Variants in VAPB observed in about 807,000 individuals in gnomAD.
VAPB encodes the protein VAMP associated protein B and C.
A neutral mutation model predicts 25.6 loss-of-function variants in VAPB; 7 were observed. That is an observed-to-expected ratio of 0.27 (90% CI 0.16 to 0.51). The LOEUF is 0.51. Ranked by LOEUF, VAPB falls within the 20% of genes least tolerant of loss-of-function variation. The pLI is 0.97. For synonymous variants in VAPB, 112 were observed against 109.2 expected (o/e 1.03, Z -0.16); for missense variants, 266 against 301.3 (o/e 0.88, Z 0.87).
At position 58,445,174 on chromosome 20, in the gene VAPB, G is replaced by A. The variant is rs1989255520; in HGVS notation, c.*939G>A. On this transcript the variant is annotated 3_prime_UTR_variant, in exon 6 of 6. Transcript: ENST00000475243. Reference sequence around the variant, plus strand: ...CAGTAAATAACAACTGTCATAGGGAGGGAAATTCTCAGTAGTGACAGTCAA... The same window carrying A: ...CAGTAAATAACAACTGTCATAGGGAAGGAAATTCTCAGTAGTGACAGTCAA... The A allele has an allele frequency of 2.2e-6, 1 of 454,024 alleles. No homozygotes were observed. The highest frequency in any genetic ancestry group is 2.0e-5 in the African/African-American group (1 of 49,976). The allele number at this position is 454,024 out of a possible 1,614,324, so 28.1% of individuals were successfully genotyped here.
intron 2 of VAPB, among the ~76,000 whole-genome samples, chr20:58,428,136 C>T (rs112322945): frequency 1.1e-4 from 17 of 152,326 alleles, no homozygotes; most frequent in Non-Finnish European, 1.5e-4. Context: ...TTTTAAGTAG[C>T]GTATCTTCTG....
Position 58,445,056 on chromosome 20 carries a change from GTGGGCTCCTC to G in VAPB, c.*824_*833del. The G allele has an allele frequency of 2.2e-6, 1 of 454,816 alleles. No homozygotes were observed. The highest frequency in any genetic ancestry group is 4.4e-6 in the Non-Finnish European group (1 of 226,792). The allele number at this position is 454,816 out of a possible 1,614,324, so 28.2% of individuals were successfully genotyped here. A position where few individuals can be genotyped will look rare whatever the true frequency, so the allele number is the denominator to read the frequency against. Reference sequence around the variant, plus strand: ...GAACTGGTATTGCTGCTGGAGGGCTGTGGGCTCCTCTGTCTCTGGAGAGTCTGGTCATGTG... The same window carrying G: ...GAACTGGTATTGCTGCTGGAGGGCTGTGTCTCTGGAGAGTCTGGTCATGTG... On this transcript the variant is annotated 3_prime_UTR_variant, in exon 6 of 6. Coordinates refer to ENST00000475243, the MANE Select transcript of VAPB (RefSeq NM_004738.5).
intron 5 of VAPB, among the ~76,000 whole-genome samples, chr20:58,442,874 C>G (rs1243711682): frequency 6.6e-6 from 1 of 151,838 alleles, no homozygotes; most frequent in Admixed American, 6.6e-5. Flanking sequence ...CGGATGGGAG[C>G]GAATGGAAGG....
chr20:58,404,784 T>C (rs779365455), intron 1 of VAPB, among the ~76,000 whole-genome samples: 2 of 152,166 alleles, frequency 1.3e-5, no homozygotes, highest in African/African-American at 2.4e-5. Context: ...AGATTCTGAT[T>C]CATTAATTCT....
intron 1 of VAPB, 136 bp from the exon 2 acceptor site, chr20:58,418,075 C>G (rs980827696): frequency 4.1e-6 from 5 of 1,222,704 alleles, no homozygotes; most frequent in African/African-American, 3.0e-5. Context: ...CAGCTCATCT[C>G]TTTCATCCAT....
intron 1 of VAPB, among the ~76,000 whole-genome samples, chr20:58,411,956 G>A (rs1988391495): frequency 6.6e-6 from 1 of 152,254 alleles, no homozygotes; most frequent in African/African-American, 2.4e-5. Context: ...TGGGATTACA[G>A]GCATGAGCCA....
chr20:58,435,932 G>T (rs1370612731), intron 3 of VAPB, among the ~76,000 whole-genome samples: 2 of 152,158 alleles, frequency 1.3e-5, no homozygotes, highest in Non-Finnish European at 2.9e-5. Flanking sequence ...AAGAGCATGG[G>T]CTTGGGTGTT....
At chr20:58,393,485 T>C (rs1987862204) in intron 1 of VAPB, among the ~76,000 whole-genome samples, 1 of 152,212 alleles carries the variant, frequency 6.6e-6, no homozygotes, top group Non-Finnish European at 1.5e-5. Flanking sequence ...GTTGTCCAGC[T>C]CAAAGAGAGC....
chr20:58,431,046 A>T (rs1400984984), intron 2 of VAPB: 1 of 152,254 alleles, frequency 6.6e-6, no homozygotes, highest in Non-Finnish European at 1.5e-5. Context: ...GCTTTTTCAG[A>T]TAAATCTGAA....
intron 1 of VAPB, among the ~76,000 whole-genome samples, chr20:58,403,472 C>G (rs1600778249): frequency 2.6e-5 from 4 of 152,336 alleles, no homozygotes; most frequent in South Asian, 2.1e-4. Context: ...CGGTGAATCT[C>G]AGTTTCTGGT....
At chr20:58,404,718 C>T (rs551876572) in intron 1 of VAPB, among the ~76,000 whole-genome samples, 4 of 152,172 alleles carry the variant, frequency 2.6e-5, no homozygotes, top group South Asian at 2.1e-4. Context: ...TATGAGCTAA[C>T]GTCACATTTG....
intron 1 of VAPB, among the ~76,000 whole-genome samples, chr20:58,412,344 C>T (rs1293476830): frequency 6.6e-6 from 1 of 152,066 alleles, no homozygotes; most frequent in African/African-American, 2.4e-5. Context: ...CTTTGGGATG[C>T]CAAGGTGGGT....
intron 2 of VAPB, among the ~76,000 whole-genome samples, chr20:58,429,748 T>A (rs1988885763): frequency 6.6e-6 from 1 of 152,234 alleles, no homozygotes; most frequent in African/African-American, 2.4e-5. Context: ...CTTTTTAAAC[T>A]GCAGATTCTC....
rs1421019227 is a variant in VAPB, at chr20:58,450,180, A to G, written c.*5945A>G. On this transcript the variant is annotated 3_prime_UTR_variant, in exon 6 of 6. Transcript: ENST00000475243. ...CTTTTGTTTTTAAGAAATAGACTGA[A>G]TTCAGCTGTTAATCCTCTAGTACAG... is the stretch of plus-strand genomic sequence containing the variant. 4.4e-6 allele frequency: 2 copies of G among 453,964 alleles called. No homozygotes were observed. Among genetic ancestry groups the G allele is most frequent in the Non-Finnish European group, 4.4e-6 (1 of 226,792 alleles). The allele number at this position is 453,964 out of a possible 1,614,324, so 28.1% of individuals were successfully genotyped here.
At chr20:58,404,937 G>C (rs1455909844) in intron 1 of VAPB, among the ~76,000 whole-genome samples, 2 of 152,000 alleles carry the variant, frequency 1.3e-5, no homozygotes. Context: ...GCCAAGCATT[G>C]CTGAGAGGCC....
intron 2 of VAPB, chr20:58,432,404 C>G (rs1225923464): frequency 6.6e-6 from 1 of 152,096 alleles, no homozygotes. Context: ...GCTGGGAGAA[C>G]AGAGTCTCAA....
At chr20:58,426,164 G>A (rs1280250250) in intron 2 of VAPB, among the ~76,000 whole-genome samples, 1 of 152,180 alleles carries the variant, frequency 6.6e-6, no homozygotes, top group African/African-American at 2.4e-5. Flanking sequence ...CCAAAGTGCT[G>A]GGATTACAGG....
intron 5 of VAPB, among the ~76,000 whole-genome samples, chr20:58,442,259 G>C (rs1989178679): frequency 1.3e-5 from 2 of 152,196 alleles, no homozygotes; most frequent in African/African-American, 4.8e-5. Context: ...CAGTGATTTT[G>C]ATTTGCCTCA....
chr20:58,389,556 C>T (rs1987733032), intron 1 of VAPB, 39 bp downstream of exon 1: 1 of 1,549,378 alleles, frequency 6.5e-7, no homozygotes, highest in Non-Finnish European at 8.7e-7. Context: ...CCCGCGGCCT[C>T]CGCCCCAGTG....
Sources: gnomAD v4.1 joint callset for allele counts (sites outside exome capture counted in the v4.1 genomes callset) on GRCh38, gnomAD v4.1.1 for gene constraint, MANE v1.5 for transcripts, NCBI Gene and HGNC (gene_info 2026-07-23, HGNC 2026-07-21) for gene names.